The following CEP83 variants were observed in gnomAD, a reference collection of about 807,000 sequenced individuals.
CEP83 encodes the protein centrosomal protein of 83 kDa.
A neutral mutation model predicts 101.9 loss-of-function variants in CEP83; 70 were observed. The ratio of observed to expected loss-of-function variants is 0.69; its 90% confidence interval spans 0.57 to 0.84. The LOEUF is 0.84. CEP83 is among the 40% of genes least tolerant of loss of function. The pLI, the probability that CEP83 is intolerant of heterozygous loss-of-function variation, is 0.00. For missense variants in CEP83, 715 were observed against 787.2 expected (o/e 0.91, Z 1.10); for synonymous variants, 264 against 267.9 (o/e 0.99, Z 0.14).
intron 7 of CEP83, among the ~76,000 whole-genome samples, chr12:94,376,690 T>TATACACACACAC (rs1555235995): frequency 0.01 from 1,227 of 117,246 alleles, 11 homozygotes; most frequent in African/African-American, 0.021. Context: ...TATACATATA[T>TATACACACACAC]ACACACACAC....
the CEP83 span, chr12:94,300,814 A>T: frequency 8.5e-7 from 1 of 1,170,926 alleles, no homozygotes; most frequent in Non-Finnish European, 1.2e-6. Flanking sequence ...TACTTCAATA[A>T]CAAGGACAAA....
chr12:94,330,264 T>A (rs1487187065), intron 14 of CEP83, among the ~76,000 whole-genome samples: 2 of 151,962 alleles, frequency 1.3e-5, no homozygotes, highest in East Asian at 3.9e-4. Flanking sequence ...TGTGGGACTT[T>A]ACATATAACA....
intron 11 of CEP83, among the ~76,000 whole-genome samples, chr12:94,365,062 G>C (rs946927670): frequency 6.6e-6 from 1 of 151,916 alleles, no homozygotes; most frequent in African/African-American, 2.4e-5. Flanking sequence ...CAAAATCAAA[G>C]GACTGCTGAC....
At chr12:94,392,807 C>G (rs543581846) in intron 6 of CEP83, among the ~76,000 whole-genome samples, 3 of 152,172 alleles carry the variant, frequency 2.0e-5, no homozygotes, top group Admixed American at 2.0e-4. Flanking sequence ...GCCACCGATC[C>G]CACAGAAATA....
chr12:94,331,642 G>C (rs766856110), intron 14 of CEP83, 58 bp downstream of exon 14: 4 of 1,550,278 alleles, frequency 2.6e-6, no homozygotes, highest in Non-Finnish European at 3.5e-6. Context: ...AAAGTGCTGG[G>C]ATTACAGGTG....
At chr12:94,395,205 G>A (rs912886425) in intron 6 of CEP83, among the ~76,000 whole-genome samples, 1 of 151,988 alleles carries the variant, frequency 6.6e-6, no homozygotes, top group African/African-American at 2.4e-5. Context: ...GCCTGGGGGA[G>A]GGATAGCATT....
chr12:94,408,382 A>C (rs1266046181), intron 4 of CEP83, among the ~76,000 whole-genome samples: 1 of 152,230 alleles, frequency 6.6e-6, no homozygotes, highest in Non-Finnish European at 1.5e-5. Flanking sequence ...GCTTCCCAGC[A>C]GCCAAAACAA....
At chr12:94,422,679 T>C (rs1473281055) in intron 2 of CEP83, among the ~76,000 whole-genome samples, 6 of 152,336 alleles carry the variant, frequency 3.9e-5, no homozygotes, top group African/African-American at 1.4e-4. Context: ...CTCCACCTGA[T>C]CCAGAACATA....
At chr12:94,437,956 C>T (rs2066116107) in intron 1 of CEP83, among the ~76,000 whole-genome samples, 1 of 152,160 alleles carries the variant, frequency 6.6e-6, no homozygotes, top group South Asian at 2.1e-4. Flanking sequence ...GTGGCTCACA[C>T]CTGTAATCCC....
chr12:94,366,570 C>T (rs543055684), intron 11 of CEP83, among the ~76,000 whole-genome samples: 65 of 151,962 alleles, frequency 4.3e-4, no homozygotes, highest in Non-Finnish European at 8.1e-4. Flanking sequence ...ATGAACTCCA[C>T]GGTGCTGGAA....
intron 1 of CEP83, among the ~76,000 whole-genome samples, chr12:94,446,690 G>C (rs927845156): frequency 2.0e-4 from 31 of 151,990 alleles, no homozygotes; most frequent in African/African-American, 6.8e-4. Context: ...CCTGGCAAGA[G>C]AGCAAGACCC....
Position 94,396,771 on chromosome 12 carries a change from T to G in CEP83, c.549+4079A>C, listed in dbSNP as rs979449118. ...ACTAAATAATATTGTTACTTTCATC[T>G]GTGTAAGTAAAAATGTGCAAGTACT... On this transcript the variant is annotated intron_variant, in intron 6 of 16. Transcript: ENST00000397809. 7.2e-5 allele frequency among the ~76,000 whole-genome samples: 11 copies of G among 152,302 alleles called. No homozygotes were observed. The South Asian group carries it at 2.3e-3, about 32-fold the overall frequency.
At chr12:94,304,114 T>C, downstream of CEP83, 1 of 1,049,700 alleles carries the variant, frequency 9.5e-7, no homozygotes, top group Non-Finnish European at 1.4e-6. Context: ...GGTTATAGCA[T>C]TCTGTCAGTT....
intron 14 of CEP83, among the ~76,000 whole-genome samples, chr12:94,325,734 T>C (rs560374809): frequency 2.4e-4 from 36 of 152,224 alleles, no homozygotes; most frequent in African/African-American, 6.7e-4. Context: ...AAAAGAAATA[T>C]GGGGTGGGGG....
intron 6 of CEP83, among the ~76,000 whole-genome samples, chr12:94,399,635 A>G (rs1199727622): frequency 6.6e-6 from 1 of 152,180 alleles, no homozygotes; most frequent in East Asian, 1.9e-4. Flanking sequence ...TGGGTACCTG[A>G]GGCAGGAGGA....
At chr12:94,343,209 G>A (rs1565946975) in intron 11 of CEP83, among the ~76,000 whole-genome samples, 1 of 151,774 alleles carries the variant, frequency 6.6e-6, no homozygotes, top group Non-Finnish European at 1.5e-5. Flanking sequence ...ATGGGACTAA[G>A]TGACTATAGT....
At chr12:94,451,668 T>C (rs2067263358) in intron 1 of CEP83, among the ~76,000 whole-genome samples, 1 of 152,152 alleles carries the variant, frequency 6.6e-6, no homozygotes, top group Non-Finnish European at 1.5e-5. Context: ...GGTGAGGATG[T>C]GGAGAAACTG....
chr12:94,311,937 T>C (rs1298003814), intron 15 of CEP83, among the ~76,000 whole-genome samples: 1 of 152,164 alleles, frequency 6.6e-6, no homozygotes, highest in East Asian at 1.9e-4. Flanking sequence ...GAGCCAGGAA[T>C]GGTGGCTCAT....
In CEP83 at chr12:94,429,428, C is replaced by T. The variant is rs141259821; in HGVS notation, c.-102+5847G>A. ...TCACGCTGGGGCACACCAACCTCTC[C>T]ACTCCCCATCCCAGTCCTGCAGCTA... On this transcript the variant is annotated intron_variant, in intron 2 of 16. Coordinates refer to ENST00000397809, the MANE Select transcript of CEP83 (RefSeq NM_016122.3). 3.0e-3 allele frequency among the ~76,000 whole-genome samples: 457 copies of T among 152,306 alleles called. 2 individuals are homozygous for T. Among genetic ancestry groups the T allele is most frequent in the African/African-American group, 0.01 (431 of 41,566 alleles).
Sources: allele counts gnomAD v4.1 joint callset (sites outside exome capture counted in the v4.1 genomes callset), GRCh38; gene constraint gnomAD v4.1.1; transcripts MANE v1.5; gene names NCBI Gene and HGNC (gene_info 2026-07-23, HGNC 2026-07-21).